The following KCNC2 variants were observed in gnomAD, a reference collection of about 807,000 sequenced individuals.
KCNC2 encodes potassium voltage-gated channel subfamily C member 2.
Under a neutral mutation model 44.5 loss-of-function variants are expected in KCNC2, and 21 were observed. The observed-to-expected ratio is 0.47, with a 90% CI of 0.33 to 0.68. KCNC2 has a LOEUF of 0.68. Ranked by LOEUF, KCNC2 falls within the 30% of genes least tolerant of loss-of-function variation. KCNC2 has a pLI of 0.01. For synonymous variants in KCNC2, 391 were observed against 339.1 expected (o/e 1.15, Z -1.68); for missense variants, 589 against 826.2 (o/e 0.71, Z 3.52).
chr12:75,076,287 T>A (rs534531406), intron 2 of KCNC2, among the ~76,000 whole-genome samples: 5 of 152,168 alleles, frequency 3.3e-5, no homozygotes, highest in South Asian at 4.1e-4. Flanking sequence ...TTAATTAATT[T>A]ATTTATTTTC....
At chr12:75,180,138 G>T (rs945510970) in intron 2 of KCNC2, among the ~76,000 whole-genome samples, 12 of 151,754 alleles carry the variant, frequency 7.9e-5, no homozygotes, top group Non-Finnish European at 1.5e-4. Context: ...TCAATGTTTT[G>T]TATGTTAATA....
At chr12:75,058,615 A>C (rs1002517821) in intron 2 of KCNC2, among the ~76,000 whole-genome samples, 2 of 152,096 alleles carry the variant, frequency 1.3e-5, no homozygotes, top group African/African-American at 4.8e-5. Flanking sequence ...TTCTTTTAGC[A>C]CTATGGCACT....
intron 2 of KCNC2, among the ~76,000 whole-genome samples, chr12:75,059,368 T>C (rs562723245): frequency 6.6e-6 from 1 of 152,198 alleles, no homozygotes; most frequent in South Asian, 2.1e-4. Context: ...TTCTTGCCTT[T>C]TTCACTCTCA....
intron 2 of KCNC2, among the ~76,000 whole-genome samples, chr12:75,095,896 A>G (rs2137154126): frequency 6.6e-6 from 1 of 152,080 alleles, no homozygotes; most frequent in African/African-American, 2.4e-5. Context: ...TTAGAGAATA[A>G]TGTGGACAGG....
chr12:75,201,361 C>T (rs2031262809), intron 2 of KCNC2, among the ~76,000 whole-genome samples: 1 of 137,742 alleles, frequency 7.3e-6, no homozygotes, highest in African/African-American at 2.6e-5. Flanking sequence ...TGGGCATGAA[C>T]ATGTCGTCCC....
intron 2 of KCNC2, among the ~76,000 whole-genome samples, chr12:75,176,664 T>C (rs1190269968): frequency 6.6e-6 from 1 of 151,954 alleles, no homozygotes. Flanking sequence ...TCTCCTTCAG[T>C]TAATAATACA....
intron 2 of KCNC2, among the ~76,000 whole-genome samples, chr12:75,176,470 TG>T (rs1249676127): frequency 2.0e-5 from 3 of 152,002 alleles, no homozygotes; most frequent in African/African-American, 7.2e-5. Context: ...TAAGATCTAG[TG>T]CCCTACACAT....
At chr12:75,101,955 A>G (rs1219266857) in intron 2 of KCNC2, among the ~76,000 whole-genome samples, 1 of 152,144 alleles carries the variant, frequency 6.6e-6, no homozygotes, top group Non-Finnish European at 1.5e-5. Flanking sequence ...ATATGCACAT[A>G]CATAATCAAA....
chr12:75,071,680 G>A (rs768260428), intron 2 of KCNC2, among the ~76,000 whole-genome samples: 7 of 152,058 alleles, frequency 4.6e-5, no homozygotes, highest in Middle Eastern at 3.2e-3. Context: ...GGCCAGACGC[G>A]GTGGCTCACG....
At chr12:75,192,706 GA>G (rs1267793404) in intron 2 of KCNC2, among the ~76,000 whole-genome samples, 1 of 152,146 alleles carries the variant, frequency 6.6e-6, no homozygotes, top group East Asian at 1.9e-4. Context: ...AGTGGGAAAA[GA>G]AGGTGAGCTC....
At chr12:75,156,866 C>T (rs538889526) in intron 2 of KCNC2, among the ~76,000 whole-genome samples, 18 of 151,742 alleles carry the variant, frequency 1.2e-4, no homozygotes, top group Admixed American at 1.1e-3. Flanking sequence ...AATAATTCAT[C>T]GTAGTATCAT....
chr12:75,099,489 A>C (rs891763207), intron 2 of KCNC2, among the ~76,000 whole-genome samples: 2 of 152,152 alleles, frequency 1.3e-5, no homozygotes, highest in African/African-American at 4.8e-5. Context: ...AATGGTAGAC[A>C]TGTCTTTGCT....
intron 2 of KCNC2, among the ~76,000 whole-genome samples, chr12:75,173,551 A>T (rs1475029959): frequency 2.0e-5 from 3 of 151,864 alleles, no homozygotes; most frequent in Non-Finnish European, 4.4e-5. Context: ...CCTATTTTTC[A>T]TACTGTCACA....
intron 2 of KCNC2, among the ~76,000 whole-genome samples, chr12:75,130,399 A>T (rs560372760): frequency 6.6e-6 from 1 of 152,080 alleles, no homozygotes; most frequent in African/African-American, 2.4e-5. Context: ...TCTGTTTTCT[A>T]TTTATCTCTC....
At chr12:75,162,722 C>T (rs1593001809) in intron 2 of KCNC2, among the ~76,000 whole-genome samples, 1 of 151,662 alleles carries the variant, frequency 6.6e-6, no homozygotes, top group South Asian at 2.1e-4. Context: ...CCTACTCATC[C>T]TCAAAAAAAC....
intron 2 of KCNC2, among the ~76,000 whole-genome samples, chr12:75,160,268 T>C (rs1447682754): frequency 6.6e-6 from 1 of 151,784 alleles, no homozygotes; most frequent in Admixed American, 6.6e-5. Context: ...AAGCCAAAGA[T>C]ATAGGCCTCA....
rs1029479941 is a variant in KCNC2, at chr12:75,207,838, G to A, written c.146C>T (p.Thr49Met). 6.2e-7 allele frequency: 1 copy of A among 1,610,258 alleles called. No homozygotes were observed. The highest frequency in any genetic ancestry group is 8.5e-7 in the Non-Finnish European group (1 of 1,179,314). The change falls in exon 2 of 5, where the codon ACG becomes ATG. Residue 49 changes from threonine to methionine, a missense_variant. Thr to Met is a moderately conservative substitution (Grantham distance 81). This residue lies in a region of KCNC2 where 148 missense variants were observed against 140.1 expected (regional missense o/e 1.06). Transcript: ENST00000549446. This position sits in a 1 kb window ranked among gnomAD's most constrained non-coding sequence, Gnocchi z 4.1. ...SSEPPGDCLT[T>M]AGDKLQPSPP... is the part of the protein sequence containing the mutation. ...CGACGGCTGCAGCTTGTCGCCCGCC[G>A]TGGTCAAGCAGTCGCCTGGGGGCTC...
At chr12:75,069,129 C>CTTTTTTTT (rs1158151551) in intron 2 of KCNC2, among the ~76,000 whole-genome samples, 10,596 of 62,850 alleles carry the variant, frequency 0.17, 3,213 homozygotes, top group African/African-American at 0.33. Flanking sequence ...TTTATATAAT[C>CTTTTTTTT]TTTTTTTTTT....
chr12:75,177,289 C>A (rs1565666209), intron 2 of KCNC2, among the ~76,000 whole-genome samples: 2 of 151,840 alleles, frequency 1.3e-5, no homozygotes, highest in East Asian at 3.9e-4. Flanking sequence ...TTTTTATGAA[C>A]AAACACAGGG....
Sources: gnomAD v4.1 joint callset for allele counts (sites outside exome capture counted in the v4.1 genomes callset) on GRCh38, gnomAD v4.1.1 for gene constraint, gnomAD v4.1.1 regional missense constraint, Gnocchi (gnomAD v3.1) non-coding constraint, MANE v1.5 for transcripts, NCBI Gene and HGNC (gene_info 2026-07-23, HGNC 2026-07-21) for gene names.